The following GALNT6 variants were observed in gnomAD, a reference collection of about 807,000 sequenced individuals.
GALNT6 encodes polypeptide N-acetylgalactosaminyltransferase 6.
GALNT6 carries 51 observed loss-of-function variants against 65.9 expected under a neutral mutation model. The ratio of observed to expected loss-of-function variants is 0.77; its 90% CI spans 0.62 to 0.98. The LOEUF (loss-of-function observed/expected upper bound fraction) is 0.98. GALNT6 is among the 50% of genes least tolerant of loss of function. The pLI, the probability that GALNT6 is intolerant of heterozygous loss-of-function variation, is 0.00. For synonymous variants in GALNT6, 323 were observed against 315.1 expected (o/e 1.02, Z -0.26); for missense variants, 708 against 803.3 (o/e 0.88, Z 1.43).
In GALNT6 at chr12:51,377,219, G is replaced by T; in HGVS notation, c.640C>A (p.Leu214Met). The change falls in exon 4 of 12, where the codon CTG (leucine) becomes ATG (methionine). Residue 214 changes from leucine (L) to methionine (M), a missense_variant. Leu to Met is a conservative substitution (Grantham distance 15). Coordinates refer to ENST00000356317, the MANE Select transcript of GALNT6 (RefSeq NM_007210.4). ...TPAILLKEIILVDDASTEEHL... is the reference protein window; with the variant it reads ...TPAILLKEIIMVDDASTEEHL... ...CCCTCTGTGCTGGCATCATCCACCA[G>T]TATGATCTCCTTGAGCAAGATGGCA... 1 of 1,613,760 alleles carries T rather than the reference G, an allele frequency of 6.2e-7. No homozygotes were observed. Among genetic ancestry groups the T allele is most frequent in the Non-Finnish European group, 8.5e-7 (1 of 1,180,008 alleles).
chr12:51,373,283 G>T (rs1421482969), intron 4 of GALNT6, among the ~76,000 whole-genome samples: 1 of 152,150 alleles, frequency 6.6e-6, no homozygotes, highest in Non-Finnish European at 1.5e-5. Flanking sequence ...TGAGTCGTAG[G>T]TCCCATAATC....
intron 2 of GALNT6, among the ~76,000 whole-genome samples, chr12:51,382,914 A>G (rs1005983123): frequency 6.6e-6 from 1 of 152,164 alleles, no homozygotes. Flanking sequence ...TCCTTTCCCC[A>G]AGGGATTTGA....
Position 51,368,194 on chromosome 12 carries a change from C to T in GALNT6, c.665-2615G>A, listed in dbSNP as rs558736127. Among the ~76,000 whole-genome samples, 9 of 151,162 alleles carry T rather than the reference C, an allele frequency of 6.0e-5. No individual in the cohort carries two copies. In the South Asian group the frequency reaches 1.1e-3, roughly 18 times the overall value. On this transcript the variant is annotated intron_variant, in intron 4 of 11. Transcript: ENST00000356317. ...GAGAAGGCCAAGGACTTAATGCACC[C>T]GAGTTTCAAGGTGGTCTCTGCTTCC...
rs371229228 is a variant in GALNT6, at chr12:51,387,102, A to AT, written c.-104+3747dup. Among the ~76,000 whole-genome samples, 354 of 146,432 alleles carry AT rather than the reference A, an allele frequency of 2.4e-3. 2 individuals carry two copies. The highest frequency in any genetic ancestry group is 6.9e-3 in the African/African-American group (277 of 40,100). ...TCAAGGTTCATTTTATGTTTGCATA[A>AT]TTTTTTTTTTTTTGAGATGGAGTCT... On this transcript the variant is annotated intron_variant, in intron 2 of 11. Coordinates refer to ENST00000356317, the MANE Select transcript of GALNT6 (RefSeq NM_007210.4). The surrounding 1 kb of genome is among the most constrained non-coding windows in gnomAD (Gnocchi z 4.2).
intron 2 of GALNT6, among the ~76,000 whole-genome samples, chr12:51,388,116 G>A (rs1217108049): frequency 6.6e-6 from 1 of 152,138 alleles, no homozygotes; most frequent in Non-Finnish European, 1.5e-5. Context: ...TTTTAATCCT[G>A]TCTCAATTTC....
At chr12:51,367,666 T>C (rs1947153574) in intron 4 of GALNT6, among the ~76,000 whole-genome samples, 1 of 152,214 alleles carries the variant, frequency 6.6e-6, no homozygotes, top group African/African-American at 2.4e-5. Flanking sequence ...GGCCTTGCTC[T>C]GAATGCAGCA....
intron 3 of GALNT6, among the ~76,000 whole-genome samples, chr12:51,378,921 C>T (rs935381683): frequency 5.3e-5 from 8 of 149,588 alleles, no homozygotes; most frequent in Non-Finnish European, 1.5e-5. Context: ...GTCCCACAGT[C>T]TCTGGAGCAG....
chr12:51,379,614 G>A lies in GALNT6; in HGVS notation c.168C>T (p.Leu56=). ...TAAGGTTGTTCATGGCCTCCAGCAT[G>A]AGGTCCAGGACGTGATCCTTCCGGC... The part of the protein sequence containing the change: ...LVSRKDHVLD[L]MLEAMNNLRD... The change falls in exon 3 of 12, where the codon CTC becomes CTT. Residue 56 remains leucine (L), a synonymous_variant. Coordinates refer to ENST00000356317, the MANE Select transcript of GALNT6 (RefSeq NM_007210.4). 6.2e-7 allele frequency: 1 copy of A among 1,614,116 alleles called. No homozygotes were observed.
chr12:51,358,751 T>C (rs938962901), intron 8 of GALNT6, among the ~76,000 whole-genome samples: 2 of 152,144 alleles, frequency 1.3e-5, no homozygotes, highest in African/African-American at 4.8e-5. Context: ...AACCCCGCCT[T>C]AGCTTTGGAG....
chr12:51,356,356 T>TC (rs1946746451), intron 10 of GALNT6, among the ~76,000 whole-genome samples: 1 of 128,182 alleles, frequency 7.8e-6, no homozygotes, highest in Non-Finnish European at 1.7e-5. Flanking sequence ...ATTTTCTCTT[T>TC]TTTTTTTTTT....
chr12:51,357,336 G>A lies in GALNT6; in HGVS notation c.1602+13C>T, dbSNP rs368556953. 3.0e-5 allele frequency: 46 copies of A among 1,545,312 alleles called. No homozygotes were observed. The highest frequency in any genetic ancestry group is 1.6e-4 in the African/African-American group (12 of 73,684). On this transcript the variant is annotated intron_variant, in intron 10 of 11. Coordinates refer to ENST00000356317, the MANE Select transcript of GALNT6 (RefSeq NM_007210.4). ...AGGAGAGGAGATGCTCCGGAGATGG[G>A]TGGGCTGCATACCTGGTTGCCGCCA...
At chr12:51,369,239 G>T (rs974062372) in intron 4 of GALNT6, among the ~76,000 whole-genome samples, 1 of 152,198 alleles carries the variant, frequency 6.6e-6, no homozygotes, top group Admixed American at 6.5e-5. Context: ...CTTCTCCCAC[G>T]CCTTCCTTCC....
intron 6 of GALNT6, 53 bp from the exon 7 acceptor site, chr12:51,360,891 G>T (rs747111796): frequency 1.6e-6 from 2 of 1,259,632 alleles, no homozygotes; most frequent in Non-Finnish European, 2.3e-6. Flanking sequence ...GAGGAGCGGA[G>T]CCTGGCGGGG....
intron 10 of GALNT6, 113 bp from the exon 11 acceptor site, chr12:51,356,071 G>T: frequency 1.1e-6 from 1 of 892,944 alleles, no homozygotes; most frequent in Non-Finnish European, 1.8e-6. Flanking sequence ...TGAATGTGAG[G>T]CCATGCCAAG....
Position 51,364,375 on chromosome 12 carries a change from G to A in GALNT6, c.815-20C>T. On this transcript the variant is annotated intron_variant, in intron 5 of 11. Coordinates refer to ENST00000356317, the MANE Select transcript of GALNT6 (RefSeq NM_007210.4). ...ACTCACCTGCAGGCCCCAACCAGGA[G>A]GCAGCAGTCAGGGCCCTGCCCACAG... 1.9e-6 allele frequency: 3 copies of A among 1,571,798 alleles called. No individual in the cohort carries two copies. Among genetic ancestry groups the A allele is most frequent in the Non-Finnish European group, 2.6e-6 (3 of 1,141,708 alleles).
At chr12:51,381,268 T>A (rs1947662795) in intron 2 of GALNT6, among the ~76,000 whole-genome samples, 1 of 152,146 alleles carries the variant, frequency 6.6e-6, no homozygotes, top group Admixed American at 6.5e-5. Context: ...TTATCTGTAA[T>A]CTACTCCTAT....
intron 2 of GALNT6, among the ~76,000 whole-genome samples, chr12:51,384,546 G>T (rs1407100868): frequency 2.6e-5 from 4 of 151,928 alleles, no homozygotes; most frequent in Admixed American, 2.6e-4. Context: ...ACAAAAATTA[G>T]CCAGGCATGG....
intron 4 of GALNT6, among the ~76,000 whole-genome samples, chr12:51,371,909 C>T (rs1048922337): frequency 6.6e-6 from 1 of 152,178 alleles, no homozygotes; most frequent in Non-Finnish European, 1.5e-5. Context: ...AACAGTCAAA[C>T]GTGTGGGAAA....
At chr12:51,370,767 G>A (rs1459588081) in intron 4 of GALNT6, among the ~76,000 whole-genome samples, 1 of 152,060 alleles carries the variant, frequency 6.6e-6, no homozygotes, top group Admixed American at 6.6e-5. Flanking sequence ...GTTATTGGCT[G>A]GTTGTGGTGA....
Sources: gnomAD v4.1 joint callset for allele counts (sites outside exome capture counted in the v4.1 genomes callset) on GRCh38, gnomAD v4.1.1 for gene constraint, Gnocchi (gnomAD v3.1) non-coding constraint, MANE v1.5 for transcripts, NCBI Gene and HGNC (gene_info 2026-07-23, HGNC 2026-07-21) for gene names.